The following ADGRB1 variants were observed in gnomAD, a reference collection of about 807,000 sequenced individuals.
The protein encoded by ADGRB1 is adhesion G protein-coupled receptor B1.
ADGRB1 carries 36 observed loss-of-function variants against 175.7 expected under a neutral mutation model. The ratio of observed to expected loss-of-function variants is 0.20; its 90% CI spans 0.16 to 0.27. The LOEUF (loss-of-function observed/expected upper bound fraction) is 0.27. Among genes scored for constraint, ADGRB1 ranks in the 10% least tolerant of loss-of-function variants. The pLI is 1.00. For synonymous variants in ADGRB1, 1,054 were observed against 979.4 expected (o/e 1.08, Z -1.42); for missense variants, 1,731 against 2,255.3 (o/e 0.77, Z 4.71).
At chr8:142,457,261 G>A (rs2131634254) in intron 1 of ADGRB1, among the ~76,000 whole-genome samples, 1 of 152,306 alleles carries the variant, frequency 6.6e-6, no homozygotes, top group Middle Eastern at 3.4e-3. Context: ...ATCCACGTCT[G>A]GGGAACTGCA....
intron 19 of ADGRB1, among the ~76,000 whole-genome samples, chr8:142,520,399 A>ATGGTGGTGATGGTGGTGATGGCTG (rs1563735871): frequency 3.5e-4 from 1 of 2,830 alleles, no homozygotes; most frequent in Non-Finnish European, 7.8e-4. Flanking sequence ...AGTGATTGTG[A>ATGGTGGTGATGGTGGTGATGGCTG]TGTTGGTAAT....
chr8:142,479,655 T>A (rs1563695369), intron 8 of ADGRB1, 38 bp from the exon 9 acceptor site: 3 of 1,597,530 alleles, frequency 1.9e-6, no homozygotes, highest in Non-Finnish European at 2.6e-6. Flanking sequence ...CGGCTCTCAG[T>A]ACCCCTTCCT....
chr8:142,469,808 G>T (rs995110626), intron 2 of ADGRB1, among the ~76,000 whole-genome samples: 2 of 152,172 alleles, frequency 1.3e-5, no homozygotes, highest in Non-Finnish European at 2.9e-5. Context: ...TGCGTGGGGG[G>T]GATGGGGTGG....
chr8:142,528,332 T>C (rs1033601617), intron 24 of ADGRB1, among the ~76,000 whole-genome samples: 11 of 152,262 alleles, frequency 7.2e-5, no homozygotes, highest in Middle Eastern at 3.4e-3. Context: ...CTTCCCCCCA[T>C]GCCTGCCACT....
Position 142,543,430 on chromosome 8 carries a change from G to A in ADGRB1, c.4441G>A (p.Asp1481Asn). The A allele has an allele frequency of 6.2e-7, 1 of 1,613,780 alleles. No individual in the cohort carries two copies. The highest frequency in any genetic ancestry group is 8.5e-7 in the Non-Finnish European group (1 of 1,179,792). The change falls in exon 29 of 31, where the codon GAC (aspartate) becomes AAC (asparagine). Residue 1481 changes from aspartate (D) to asparagine (N), a missense_variant. By Grantham distance (23) the Asp-to-Asn change is conservative. Transcript: ENST00000517894. This position sits in a 1 kb window ranked among gnomAD's most constrained non-coding sequence, Gnocchi z 4.4. ...GCGGAAGTCGCGGTATGCAGAACTGGACTTTGAGGTGAGTTCTGGTGTCCC... is the reference window on the plus strand; with the variant it reads ...GCGGAAGTCGCGGTATGCAGAACTGAACTTTGAGGTGAGTTCTGGTGTCCC... Reference protein sequence around the residue: ...ERRKSRYAELDFEKIMHTRKR... With the variant: ...ERRKSRYAELNFEKIMHTRKR...
chr8:142,451,546 C>T (rs1329542093), intron 1 of ADGRB1, among the ~76,000 whole-genome samples: 1 of 152,062 alleles, frequency 6.6e-6, no homozygotes, highest in Non-Finnish European at 1.5e-5. Flanking sequence ...GCCTGCACTC[C>T]CGCCCCAGAG....
intron 17 of ADGRB1, among the ~76,000 whole-genome samples, chr8:142,502,047 ATGGTGGTCGGGGTGGGG>A (rs1418889527): frequency 4.9e-5 from 1 of 20,612 alleles, no homozygotes; most frequent in Non-Finnish European, 9.9e-5. Context: ...GGTGGTGGTG[ATGGTGGTCGGGGTGGGG>A]GTGATGATGG....
In ADGRB1 at chr8:142,469,752, C is replaced by G. The variant is rs370397547; in HGVS notation, c.784+4770C>G. ...ATGCATGTGTGTGAATGTGTGAGTG[C>G]CTGTGTGAATGTATGTGTGTATGTC... On this transcript the variant is annotated intron_variant, in intron 2 of 30. Coordinates refer to ENST00000517894, the MANE Select transcript of ADGRB1 (RefSeq NM_001702.3). 2.0e-3 allele frequency among the ~76,000 whole-genome samples: 298 copies of G among 149,774 alleles called. 2 individuals carry two copies. The highest frequency in any genetic ancestry group is 6.7e-3 in the African/African-American group (274 of 40,636).
chr8:142,527,649 C>G (rs529564852), intron 24 of ADGRB1, among the ~76,000 whole-genome samples: 1 of 152,100 alleles, frequency 6.6e-6, no homozygotes, highest in South Asian at 2.1e-4. Flanking sequence ...TACCTGTCCC[C>G]GGAACACCCT....
At chr8:142,480,950 G>A (rs776934349) in intron 9 of ADGRB1, among the ~76,000 whole-genome samples, 6 of 152,282 alleles carry the variant, frequency 3.9e-5, no homozygotes, top group South Asian at 2.1e-4. Flanking sequence ...AAGGGGCTCC[G>A]AAGGAGGTCA....
intron 2 of ADGRB1, among the ~76,000 whole-genome samples, chr8:142,466,744 G>C (rs2131694042): frequency 6.6e-6 from 1 of 152,292 alleles, no homozygotes; most frequent in East Asian, 1.9e-4. Flanking sequence ...GCTCTTTCAG[G>C]GAGTAGAGAT....
In ADGRB1 at chr8:142,539,428, G is replaced by A; in HGVS notation, c.3706+15G>A. 1 of 1,601,138 alleles carries A rather than the reference G, an allele frequency of 6.2e-7. No individual in the cohort carries two copies. On this transcript the variant is annotated intron_variant, in intron 27 of 30. Coordinates refer to ENST00000517894, the MANE Select transcript of ADGRB1 (RefSeq NM_001702.3). ...CTGTAGATCAGGTGAGCGCCCGACA[G>A]GTGAGAGGACAGTGCCAGCCCGGCC...
At chr8:142,505,966 G>A (rs1273532521) in intron 17 of ADGRB1, among the ~76,000 whole-genome samples, 1 of 152,162 alleles carries the variant, frequency 6.6e-6, no homozygotes, top group Non-Finnish European at 1.5e-5. Context: ...CAGGCTGGCC[G>A]TGCCCTCCCC....
chr8:142,525,515 C>G (rs558540835), intron 23 of ADGRB1, among the ~76,000 whole-genome samples: 2 of 152,118 alleles, frequency 1.3e-5, no homozygotes, highest in Non-Finnish European at 2.9e-5. Flanking sequence ...TGGTGTCCAT[C>G]CTCTCTTCTC....
intron 18 of ADGRB1, among the ~76,000 whole-genome samples, chr8:142,513,897 G>A (rs1041839076): frequency 5.3e-5 from 8 of 152,188 alleles, no homozygotes; most frequent in East Asian, 1.9e-4. Context: ...GGGGGGCTGC[G>A]GGGAGCCCGA....
Position 142,543,449 on chromosome 8 carries a change from G to A in ADGRB1, c.4449+11G>A. On this transcript the variant is annotated intron_variant, in intron 29 of 30. Coordinates refer to ENST00000517894, the MANE Select transcript of ADGRB1 (RefSeq NM_001702.3). The surrounding 1 kb of genome is among the most constrained non-coding windows in gnomAD (Gnocchi z 4.4). Reference sequence around the variant, plus strand: ...GAACTGGACTTTGAGGTGAGTTCTGGTGTCCCCCCCCACCAGACACTTAGG... The same window carrying A: ...GAACTGGACTTTGAGGTGAGTTCTGATGTCCCCCCCCACCAGACACTTAGG... 6.2e-7 allele frequency: 1 copy of A among 1,613,646 alleles called. No individual in the cohort carries two copies. Among genetic ancestry groups the A allele is most frequent in the Non-Finnish European group, 8.5e-7 (1 of 1,179,766 alleles).
chr8:142,501,039 A>T (rs1249098887), intron 17 of ADGRB1, among the ~76,000 whole-genome samples: 1 of 152,118 alleles, frequency 6.6e-6, no homozygotes, highest in African/African-American at 2.4e-5. Context: ...TTGTTGTCGA[A>T]TGCTGGTGAC....
intron 21 of ADGRB1, 89 bp downstream of exon 21, chr8:142,522,204 C>G (rs761995359): frequency 6.6e-7 from 1 of 1,514,690 alleles, no homozygotes. Flanking sequence ...TCTCCCCATC[C>G]CCTGTGGACC....
intron 27 of ADGRB1, 33 bp from the exon 28 acceptor site, chr8:142,541,908 C>G: frequency 6.6e-7 from 1 of 1,515,104 alleles, no homozygotes; most frequent in Non-Finnish European, 8.8e-7. Context: ...ACCCCCACAC[C>G]TGTCCCCGCT....
Sources: gnomAD v4.1 joint callset for allele counts (sites outside exome capture counted in the v4.1 genomes callset) on GRCh38, gnomAD v4.1.1 for gene constraint, Gnocchi (gnomAD v3.1) non-coding constraint, MANE v1.5 for transcripts, NCBI Gene and HGNC (gene_info 2026-07-23, HGNC 2026-07-21) for gene names.